PARD3: variants seen among roughly 807,000 people sequenced by gnomAD.
PARD3 encodes par-3 family cell polarity regulator.
In PARD3, 75 loss-of-function variants were observed where a neutral mutation model predicts 155.4. That is an observed-to-expected ratio of 0.48 (90% CI 0.40 to 0.58). PARD3 has a LOEUF of 0.58. Ranked by LOEUF, PARD3 falls within the 20% of genes least tolerant of loss-of-function variation. The pLI, the probability that PARD3 is intolerant of heterozygous loss-of-function variation, is 0.00. For missense variants in PARD3, 1,642 were observed against 1,721.7 expected, an observed-to-expected ratio of 0.95 and a Z score of 0.82; for synonymous variants, 576 against 610.5, an observed-to-expected ratio of 0.94 and a Z score of 0.83.
At chr10:34,238,632 A>G (rs1302710869) in intron 22 of PARD3, among the ~76,000 whole-genome samples, 1 of 152,198 alleles carries the variant, frequency 6.6e-6, no homozygotes, top group Non-Finnish European at 1.5e-5. Flanking sequence ...ATCACAGGAA[A>G]TGCTTTTTAA....
chr10:34,607,498 G>T (rs1351240863), intron 2 of PARD3, among the ~76,000 whole-genome samples: 1 of 151,854 alleles, frequency 6.6e-6, no homozygotes, highest in African/African-American at 2.4e-5. Context: ...TAGAATGAAT[G>T]GATTTAAAAA....
At chr10:34,581,848 T>C (rs2087522401) in intron 2 of PARD3, among the ~76,000 whole-genome samples, 1 of 152,154 alleles carries the variant, frequency 6.6e-6, no homozygotes, top group Non-Finnish European at 1.5e-5. Flanking sequence ...ACAATAACGA[T>C]ATTATGGGCA....
chr10:34,768,556 G>T (rs1425794324), intron 1 of PARD3, among the ~76,000 whole-genome samples: 1 of 152,202 alleles, frequency 6.6e-6, no homozygotes, highest in Non-Finnish European at 1.5e-5. Context: ...GCAGAGGGGT[G>T]ACTTTGAATA....
At chr10:34,760,281 A>G (rs10827419) in intron 1 of PARD3, among the ~76,000 whole-genome samples, 43,386 of 151,926 alleles carry the variant, frequency 0.29, 6,514 homozygotes, top group East Asian at 0.54. Flanking sequence ...CTTGGCCTCC[A>G]AAAGTGCTGC....
intron 2 of PARD3, among the ~76,000 whole-genome samples, chr10:34,522,621 G>A (rs1482876197): frequency 1.7e-5 from 2 of 114,458 alleles, no homozygotes. Context: ...CTCAATCGCT[G>A]TGTCTTGGAT....
chr10:34,268,381 A>C (rs1030702251), intron 22 of PARD3, among the ~76,000 whole-genome samples: 2 of 150,292 alleles, frequency 1.3e-5, no homozygotes, highest in Non-Finnish European at 2.9e-5. Context: ...CGATTCCTCA[A>C]GGATCTAGAA....
chr10:34,581,234 C>CTTTT lies in PARD3; in HGVS notation c.223-64079_223-64076dup, dbSNP rs779658592. On this transcript the variant is annotated intron_variant, in intron 2 of 24. Coordinates refer to ENST00000374788, the MANE Select transcript of PARD3 (RefSeq NM_001184785.2). The stretch of plus-strand genomic sequence containing the variant: ...TTTTGGTTATTTTTCTTTTTCTTTT[C>CTTTT]TTTTTTTTTTTTTTTTTTGAGACGG... Among the ~76,000 whole-genome samples the CTTTT allele has an allele frequency of 4.1e-4, 42 of 101,234 alleles. 2 individuals carry two copies. The highest frequency in any genetic ancestry group is 1.6e-3 in the African/African-American group (37 of 23,870). 66.4% of individuals were successfully genotyped at this position (101,234 alleles called of 152,430 possible). A position where few individuals can be genotyped will look rare whatever the true frequency, so the allele number is the denominator to read the frequency against.
chr10:34,607,610 A>C (rs2090570405), intron 2 of PARD3, among the ~76,000 whole-genome samples: 1 of 152,222 alleles, frequency 6.6e-6, no homozygotes, highest in Non-Finnish European at 1.5e-5. Flanking sequence ...TTCTGTTGCA[A>C]ATATGTTGGT....
At chr10:34,338,192 G>C (rs953557156) in intron 16 of PARD3, among the ~76,000 whole-genome samples, 1 of 152,206 alleles carries the variant, frequency 6.6e-6, no homozygotes, top group Non-Finnish European at 1.5e-5. Context: ...CATTTGATTT[G>C]GGTGACACCA....
Position 34,114,390 on chromosome 10 carries a change from G to A in PARD3, c.3669-2828C>T, listed in dbSNP as rs142512428. On this transcript the variant is annotated intron_variant, in intron 24 of 24. Transcript: ENST00000374788. ...ACAGAGCCTCACTCTTTTGCCCAGGGTGGAGTACAGTGGTGCAATCTTGGC... is the reference window on the plus strand; with the variant it reads ...ACAGAGCCTCACTCTTTTGCCCAGGATGGAGTACAGTGGTGCAATCTTGGC... Among the ~76,000 whole-genome samples, 1,461 of 152,236 alleles carry A rather than the reference G, an allele frequency of 9.6e-3. 24 individuals carry two copies. Among genetic ancestry groups the A allele is most frequent in the African/African-American group, 0.031 (1,285 of 41,540 alleles).
At chr10:34,205,162 G>C (rs1951411012) in intron 22 of PARD3, among the ~76,000 whole-genome samples, 1 of 151,796 alleles carries the variant, frequency 6.6e-6, no homozygotes, top group Non-Finnish European at 1.5e-5. Flanking sequence ...ACACCTGCTG[G>C]AAAAAAAATC....
At chr10:34,568,794 A>C (rs986458914) in intron 2 of PARD3, among the ~76,000 whole-genome samples, 1 of 152,180 alleles carries the variant, frequency 6.6e-6, no homozygotes, top group Admixed American at 6.6e-5. Context: ...AATTTCCTCA[A>C]TTGTAAAAAA....
intron 1 of PARD3, among the ~76,000 whole-genome samples, chr10:34,767,269 G>T (rs540539100): frequency 1.3e-5 from 2 of 152,152 alleles, no homozygotes; most frequent in South Asian, 2.1e-4. Context: ...TAAGAAACAC[G>T]CTGAAGAAAA....
At chr10:34,262,878 T>C (rs1955095691) in intron 22 of PARD3, among the ~76,000 whole-genome samples, 1 of 152,210 alleles carries the variant, frequency 6.6e-6, no homozygotes. Context: ...TACCCAGCAT[T>C]TACTCTATTC....
At chr10:34,615,766 T>TA in intron 2 of PARD3, among the ~76,000 whole-genome samples, 1 of 152,112 alleles carries the variant, frequency 6.6e-6, no homozygotes, top group East Asian at 1.9e-4. Flanking sequence ...TAATCCAATT[T>TA]AAAAATGAGA....
At chr10:34,312,213 C>A in intron 20 of PARD3, 3 of 1,486,320 alleles carry the variant, frequency 2.0e-6, no homozygotes, top group Non-Finnish European at 1.8e-6. Flanking sequence ...ATTACTAAAC[C>A]ATCAAACTGC....
chr10:34,632,156 G>A (rs1007571160), intron 2 of PARD3, among the ~76,000 whole-genome samples: 1 of 152,214 alleles, frequency 6.6e-6, no homozygotes, highest in Admixed American at 6.5e-5. Flanking sequence ...CTACTTGAGA[G>A]GCTGAGGCAC....
At chr10:34,763,518 A>C (rs1342348731) in intron 1 of PARD3, among the ~76,000 whole-genome samples, 1 of 152,196 alleles carries the variant, frequency 6.6e-6, no homozygotes, top group Non-Finnish European at 1.5e-5. Flanking sequence ...TAATTATTTC[A>C]AAATTAAAAG....
chr10:34,238,986 A>G (rs1953411650), intron 22 of PARD3, among the ~76,000 whole-genome samples: 1 of 152,358 alleles, frequency 6.6e-6, no homozygotes, highest in Non-Finnish European at 1.5e-5. Context: ...CACCAGTTTA[A>G]GAGCACTGAC....
Sources: allele counts gnomAD v4.1 joint callset (sites outside exome capture counted in the v4.1 genomes callset), GRCh38; gene constraint gnomAD v4.1.1; transcripts MANE v1.5; gene names NCBI Gene and HGNC (gene_info 2026-07-23, HGNC 2026-07-21).